The following MAL variants were observed in gnomAD, a reference collection of about 807,000 sequenced individuals.
MAL encodes myelin and lymphocyte protein.
A neutral mutation model predicts 16.7 loss-of-function variants in MAL; 5 were observed. That is an observed-to-expected ratio of 0.30 (90% CI 0.16 to 0.63). The LOEUF (loss-of-function observed/expected upper bound fraction) is 0.63, where lower values mean the gene tolerates loss of function less well. MAL is among the 30% of genes least tolerant of loss of function. The pLI, the probability that MAL is intolerant of heterozygous loss-of-function variation, is 0.82. For synonymous variants in MAL, 96 were observed against 85.5 expected (o/e 1.12, Z -0.67); for missense variants, 202 against 195.8 (o/e 1.03, Z -0.19).
In MAL at chr2:95,025,980, C is replaced by A. The variant is rs986106069; in HGVS notation, c.93+95C>A. ...GCTGTCGGACGGGATCCGCTAGCTG[C>A]GCAGGTTCTGGGAGCATCGGGGCAG... On this transcript the variant is annotated intron_variant, in intron 1 of 3. Coordinates refer to ENST00000309988, the MANE Select transcript of MAL (RefSeq NM_002371.4). This position sits in a 1 kb window ranked among gnomAD's most constrained non-coding sequence, Gnocchi z 5.6. 7 of 1,133,158 alleles carry A rather than the reference C, an allele frequency of 6.2e-6. No homozygotes were observed. Among genetic ancestry groups the A allele is most frequent in the Non-Finnish European group, 7.5e-6 (6 of 799,172 alleles). 70.2% of individuals were successfully genotyped at this position (1,133,158 alleles called of 1,614,324 possible). A position where few individuals can be genotyped will look rare whatever the true frequency, so the allele number is the denominator to read the frequency against.
At position 95,048,074 on chromosome 2, in the gene MAL, T is replaced by A. The variant is rs1180282283; in HGVS notation, c.209T>A (p.Ile70Asn). The A allele has an allele frequency of 6.2e-7, 1 of 1,613,854 alleles. No homozygotes were observed. ...VFCFVATTTL[I>N]ILYIIGAHGG... The stretch of plus-strand genomic sequence containing the variant: ...TGCTTCGTGGCCACCACCACCTTGA[T>A]CATCCTGTACATAATTGGAGCCCAC... Residue 70 changes from isoleucine to asparagine, a missense_variant, in exon 2 of 4, where the codon ATC becomes AAC. Ile to Asn is a moderately radical substitution (Grantham distance 149, BLOSUM62 -3). Coordinates refer to ENST00000309988, the MANE Select transcript of MAL (RefSeq NM_002371.4).
chr2:95,053,234 G>T, intron 3 of MAL, 147 bp from the exon 4 acceptor site: 1 of 688,096 alleles, frequency 1.5e-6, no homozygotes, highest in Non-Finnish European at 2.6e-6. Context: ...TCAGCAGGGA[G>T]GGCGTCCATG....
At chr2:95,036,781 GTGAGTGAC>G (rs1382439006) in intron 1 of MAL, among the ~76,000 whole-genome samples, 4 of 151,930 alleles carry the variant, frequency 2.6e-5, no homozygotes, top group African/African-American at 4.8e-5. Flanking sequence ...GAGTGACTGA[GTGAGTGAC>G]TGAGTGACTG....
chr2:95,035,178 G>GT (rs1189635799), intron 1 of MAL, among the ~76,000 whole-genome samples: 4 of 152,196 alleles, frequency 2.6e-5, no homozygotes, highest in African/African-American at 9.7e-5. Context: ...TCTGGCAGGT[G>GT]TACACCTGTT....
chr2:95,037,868 G>A (rs1260707370), intron 1 of MAL, among the ~76,000 whole-genome samples: 2 of 151,504 alleles, frequency 1.3e-5, no homozygotes, highest in Non-Finnish European at 2.9e-5. Flanking sequence ...GACTGACTGA[G>A]TGAGTGAGAG....
intron 1 of MAL, among the ~76,000 whole-genome samples, chr2:95,035,709 G>A (rs1471753240): frequency 7.8e-5 from 11 of 140,810 alleles, no homozygotes; most frequent in Admixed American, 1.5e-4. Flanking sequence ...TTGCTCTGTC[G>A]CCCAGGCTGG....
intron 1 of MAL, among the ~76,000 whole-genome samples, chr2:95,040,337 A>G (rs1379424535): frequency 3.3e-5 from 5 of 152,110 alleles, no homozygotes; most frequent in South Asian, 4.1e-4. Context: ...AGAAGTACAC[A>G]CATGTGCATA....
intron 1 of MAL, among the ~76,000 whole-genome samples, chr2:95,029,270 C>A (rs1053286520): frequency 2.0e-5 from 3 of 152,212 alleles, no homozygotes; most frequent in Admixed American, 1.3e-4. Flanking sequence ...TCCCTCCGTC[C>A]TCAGGGCCAC....
intron 1 of MAL, among the ~76,000 whole-genome samples, chr2:95,032,757 C>G (rs761523058): frequency 2.0e-5 from 3 of 152,170 alleles, no homozygotes; most frequent in Non-Finnish European, 4.4e-5. Context: ...CAGTGAGCTC[C>G]TAGCTGGGCA....
intron 1 of MAL, among the ~76,000 whole-genome samples, chr2:95,030,464 A>G (rs1348659264): frequency 6.6e-6 from 1 of 152,202 alleles, no homozygotes; most frequent in Non-Finnish European, 1.5e-5. Flanking sequence ...CTCCATTCTA[A>G]GCCAGGGACT....
At chr2:95,048,373 A>G (rs1400593470) in intron 2 of MAL, among the ~76,000 whole-genome samples, 1 of 152,028 alleles carries the variant, frequency 6.6e-6, no homozygotes, top group Non-Finnish European at 1.5e-5. Context: ...CTGCCTTTCC[A>G]TGGATAACCA....
At chr2:95,027,138 G>T (rs777420064) in intron 1 of MAL, among the ~76,000 whole-genome samples, 1 of 152,090 alleles carries the variant, frequency 6.6e-6, no homozygotes, top group Non-Finnish European at 1.5e-5. Context: ...CAGCCCCACC[G>T]TTTACAGAGA....
intron 1 of MAL, among the ~76,000 whole-genome samples, chr2:95,046,429 T>A (rs1426193643): frequency 6.6e-6 from 1 of 151,620 alleles, no homozygotes. Context: ...CTGGGGGAGA[T>A]GAGGAGAAGG....
chr2:95,028,710 T>C (rs1674008401), intron 1 of MAL, among the ~76,000 whole-genome samples: 1 of 152,190 alleles, frequency 6.6e-6, no homozygotes, highest in African/African-American at 2.4e-5. Context: ...CAATGGATAC[T>C]ACCTGACCAT....
chr2:95,047,739 T>C (rs573796219), intron 1 of MAL, among the ~76,000 whole-genome samples: 1 of 152,260 alleles, frequency 6.6e-6, no homozygotes, highest in Non-Finnish European at 1.5e-5. Context: ...TTTTAAAAAG[T>C]TAATCAGGGC....
intron 2 of MAL, 62 bp downstream of exon 2, chr2:95,048,188 C>T (rs1290531168): frequency 6.7e-6 from 10 of 1,499,316 alleles, no homozygotes; most frequent in Non-Finnish European, 8.3e-6. Context: ...GGTCCCTGGC[C>T]CAGTAGGATG....
At chr2:95,047,892 G>T in intron 1 of MAL, 67 bp from the exon 2 acceptor site, 2 of 1,522,592 alleles carry the variant, frequency 1.3e-6, no homozygotes, top group Non-Finnish European at 1.8e-6. Context: ...GTGACCGCTG[G>T]TCGGGGGCCC....
At chr2:95,051,591 G>A (rs997183172) in intron 3 of MAL, 2 of 150,450 alleles carry the variant, frequency 1.3e-5, no homozygotes, top group African/African-American at 4.9e-5. Context: ...GGGTGTAGAT[G>A]TGGGTTGTTT....
rs1176274090 is a variant in MAL, at chr2:95,053,561, G to T, written c.*106G>T. The stretch of plus-strand genomic sequence containing the variant: ...GAAATGCCCTTGATGGTGGAAAAAA[G>T]AAAACAACCACCCCCCCACTGCCCA... On this transcript the variant is annotated 3_prime_UTR_variant, in exon 4 of 4. Coordinates refer to ENST00000309988, the MANE Select transcript of MAL (RefSeq NM_002371.4). 6 of 846,472 alleles carry T rather than the reference G, an allele frequency of 7.1e-6. No individual in the cohort carries two copies. In the African/African-American group the frequency reaches 8.6e-5, roughly 12 times the overall value. 52.4% of individuals were successfully genotyped at this position (846,472 alleles called of 1,614,324 possible).
Sources: allele counts gnomAD v4.1 joint callset (sites outside exome capture counted in the v4.1 genomes callset), GRCh38; gene constraint gnomAD v4.1.1; non-coding constraint Gnocchi (gnomAD v3.1); transcripts MANE v1.5; gene names NCBI Gene and HGNC (gene_info 2026-07-23, HGNC 2026-07-21).